FARS2: variants seen among roughly 807,000 people sequenced by gnomAD.
FARS2 encodes phenylalanine--tRNA ligase, mitochondrial.
In FARS2, 40 loss-of-function variants were observed where a neutral mutation model predicts 46.4. The ratio of observed to expected loss-of-function variants is 0.86; its 90% CI spans 0.67 to 1.12. The LOEUF (loss-of-function observed/expected upper bound fraction) is 1.12, where lower values mean the gene tolerates loss of function less well. Among genes scored for constraint, FARS2 ranks in the 50% most tolerant of loss-of-function variants. The pLI is 0.00. For synonymous variants in FARS2, 234 were observed against 214.9 expected (o/e 1.09, Z -0.78); for missense variants, 513 against 567.9 (o/e 0.90, Z 0.98).
chr6:5,308,156 A>C (rs1224970085), intron 1 of FARS2, among the ~76,000 whole-genome samples: 1 of 152,206 alleles, frequency 6.6e-6, no homozygotes, highest in East Asian at 1.9e-4. Context: ...TGCCACATGC[A>C]AAGGCCTCAA....
intron 4 of FARS2, among the ~76,000 whole-genome samples, chr6:5,448,626 T>G (rs1221448244): frequency 6.6e-6 from 1 of 152,246 alleles, no homozygotes; most frequent in Non-Finnish European, 1.5e-5. Flanking sequence ...TGTTTCCCTC[T>G]TTTGCTATTA....
intron 1 of FARS2, among the ~76,000 whole-genome samples, chr6:5,354,802 C>T (rs937226657): frequency 1.4e-4 from 22 of 152,158 alleles, no homozygotes; most frequent in African/African-American, 4.6e-4. Context: ...TGTGAGCCAC[C>T]GCGCCCGGCC....
intron 4 of FARS2, among the ~76,000 whole-genome samples, chr6:5,506,806 A>G (rs906976959): frequency 6.6e-6 from 1 of 152,244 alleles, no homozygotes; most frequent in Non-Finnish European, 1.5e-5. Flanking sequence ...AATCGCTCTG[A>G]AAGTTCGTGA....
At chr6:5,485,205 T>C (rs1424243509) in intron 4 of FARS2, among the ~76,000 whole-genome samples, 2 of 152,182 alleles carry the variant, frequency 1.3e-5, no homozygotes, top group East Asian at 3.8e-4. Flanking sequence ...TCCTTTGATG[T>C]AGCATTGAGT....
chr6:5,485,938 A>G (rs990876680), intron 4 of FARS2, among the ~76,000 whole-genome samples: 1 of 152,094 alleles, frequency 6.6e-6, no homozygotes, highest in Non-Finnish European at 1.5e-5. Context: ...CATTTCCCGC[A>G]CTCAGGAAGT....
chr6:5,385,641 G>T (rs943852670), intron 2 of FARS2, among the ~76,000 whole-genome samples: 3 of 152,066 alleles, frequency 2.0e-5, no homozygotes, highest in African/African-American at 7.2e-5. Context: ...GGCCAGGATG[G>T]TCTTGGTCTC....
At chr6:5,549,219 A>G (rs951710477) in intron 5 of FARS2, among the ~76,000 whole-genome samples, 2 of 151,262 alleles carry the variant, frequency 1.3e-5, no homozygotes, top group Non-Finnish European at 2.9e-5. Context: ...TCTAGGGTAC[A>G]TGTGCACAAC....
chr6:5,362,927 C>CTTTTTTT (rs55686418), intron 1 of FARS2, among the ~76,000 whole-genome samples: 11 of 124,200 alleles, frequency 8.9e-5, no homozygotes, highest in South Asian at 2.6e-4. Flanking sequence ...TTCTTTCTTT[C>CTTTTTTT]TTTTTTTTTT....
chr6:5,467,549 G>A (rs746998760), intron 4 of FARS2, among the ~76,000 whole-genome samples: 13 of 152,240 alleles, frequency 8.5e-5, no homozygotes, highest in Non-Finnish European at 1.8e-4. Context: ...CTCTTCCTGT[G>A]TCAACTCCTC....
intron 4 of FARS2, among the ~76,000 whole-genome samples, chr6:5,521,371 GAAA>G (rs71657436): frequency 1.6e-5 from 2 of 124,108 alleles, no homozygotes; most frequent in Non-Finnish European, 3.5e-5. Flanking sequence ...TTTCTACTAA[GAAA>G]AAAAAAAAAA....
chr6:5,378,647 C>A (rs1759546993), intron 2 of FARS2, among the ~76,000 whole-genome samples: 1 of 152,172 alleles, frequency 6.6e-6, no homozygotes, highest in Non-Finnish European at 1.5e-5. Flanking sequence ...TCCTTAATAG[C>A]CTCATGTGGA....
chr6:5,582,880 T>C (rs1252934194), intron 5 of FARS2, among the ~76,000 whole-genome samples: 1 of 152,208 alleles, frequency 6.6e-6, no homozygotes, highest in Non-Finnish European at 1.5e-5. Context: ...GGTTCCATGA[T>C]GGTTGATTTT....
intron 1 of FARS2, among the ~76,000 whole-genome samples, chr6:5,364,762 A>G (rs7753752): frequency 0.018 from 2,808 of 152,288 alleles, 37 homozygotes; most frequent in Non-Finnish European, 0.026. Flanking sequence ...GCAAGGCACG[A>G]TGGCTTAAGC....
At chr6:5,556,246 A>G (rs1014571609) in intron 5 of FARS2, among the ~76,000 whole-genome samples, 1 of 152,136 alleles carries the variant, frequency 6.6e-6, no homozygotes. Context: ...TACCTTTCAT[A>G]GGATAACTGG....
chr6:5,570,138 T>A (rs1459040189), intron 5 of FARS2, among the ~76,000 whole-genome samples: 4 of 152,232 alleles, frequency 2.6e-5, no homozygotes, highest in Admixed American at 1.3e-4. Flanking sequence ...CCCAAATGTT[T>A]CTGTCTGTTA....
At chr6:5,433,838 T>G (rs1167858611) in intron 4 of FARS2, among the ~76,000 whole-genome samples, 3 of 151,940 alleles carry the variant, frequency 2.0e-5, no homozygotes, top group South Asian at 2.1e-4. Context: ...GGAATTGCGC[T>G]TCCTTGCACG....
intron 4 of FARS2, among the ~76,000 whole-genome samples, chr6:5,460,193 T>C (rs957296294): frequency 2.6e-5 from 4 of 152,246 alleles, no homozygotes; most frequent in African/African-American, 4.8e-5. Flanking sequence ...TTTTCAATAA[T>C]GCAAACACAT....
At chr6:5,439,453 G>T (rs1763720331) in intron 4 of FARS2, among the ~76,000 whole-genome samples, 1 of 152,214 alleles carries the variant, frequency 6.6e-6, no homozygotes, top group Non-Finnish European at 1.5e-5. Context: ...CATGTGAGAA[G>T]AAAACAAAGC....
At chr6:5,770,532 A>G (rs1475321741) in intron 6 of FARS2, among the ~76,000 whole-genome samples, 1 of 152,174 alleles carries the variant, frequency 6.6e-6, no homozygotes, top group Admixed American at 6.5e-5. Flanking sequence ...ACCCAGCCAC[A>G]CAGCCAGTGA....
Sources: allele counts gnomAD v4.1 joint callset (sites outside exome capture counted in the v4.1 genomes callset), GRCh38; gene constraint gnomAD v4.1.1; transcripts MANE v1.5; gene names NCBI Gene and HGNC (gene_info 2026-07-23, HGNC 2026-07-21).